Variants in ERVFRD-1 observed in about 807,000 individuals in gnomAD.
ERVFRD-1 encodes the protein syncytin-2.
ERVFRD-1 carries 33 observed loss-of-function variants against 43.8 expected under a neutral mutation model. The ratio of observed to expected loss-of-function variants is 0.75; its 90% CI spans 0.57 to 1.01. The LOEUF (loss-of-function observed/expected upper bound fraction) is 1.01. ERVFRD-1 is among the 50% of genes least tolerant of loss of function. The probability of loss-of-function intolerance (pLI) is 0.00; values close to 1 mark genes in which losing one functional copy is unlikely to be tolerated. For missense variants in ERVFRD-1, 568 were observed against 658.4 expected (o/e 0.86, Z 1.50); for synonymous variants, 239 against 244.4 (o/e 0.98, Z 0.21).
chr6:11,109,822 CAGAG>C (rs1483634962), intron 1 of ERVFRD-1, among the ~76,000 whole-genome samples: 3 of 152,058 alleles, frequency 2.0e-5, no homozygotes, highest in African/African-American at 7.2e-5. Context: ...TCCTGTGGTA[CAGAG>C]ACTTGATTAC....
In ERVFRD-1 at chr6:11,104,075, T is replaced by C. The variant is rs1758043264; in HGVS notation, c.1236A>G (p.Val412=). The C allele has an allele frequency of 1.3e-6, 2 of 1,551,642 alleles. No homozygotes were observed. Among genetic ancestry groups the C allele is most frequent in the Non-Finnish European group, 8.7e-7 (1 of 1,147,014 alleles). ...MQEQIDSLAA[V]VLQNRRGLDM... is the part of the protein sequence containing the mutation. ...CTAGTCCTCGACGATTTTGAAGGAC[T>C]ACGGCTGCTAAAGAGTCGATTTGTT... The change falls in exon 2 of 2, where the codon GTA becomes GTG. Residue 412 remains valine (V), a synonymous_variant. Transcript: ENST00000472091.
chr6:11,111,252 G>A (rs576960356), intron 1 of ERVFRD-1, among the ~76,000 whole-genome samples: 1 of 152,334 alleles, frequency 6.6e-6, no homozygotes, highest in African/African-American at 2.4e-5. Flanking sequence ...ACAGAGAAAA[G>A]ACAGACTTAC....
In ERVFRD-1 at chr6:11,105,639, G is replaced by A. The variant is rs2113645093; in HGVS notation, c.-320-9C>T. On this transcript the variant is annotated splice_polypyrimidine_tract_variant and intron_variant, in intron 1 of 1. Coordinates refer to ENST00000472091, the MANE Select transcript of ERVFRD-1 (RefSeq NM_207582.3). ...CTCCAGTACTGTAATGGCTGTAGGG[G>A]TAGATAATAGAATGGTGAAGGGGCC... The A allele has an allele frequency of 8.4e-6, 2 of 237,422 alleles. No individual in the cohort carries two copies. The allele number at this position is 237,422 out of a possible 1,614,324, so 14.7% of individuals were successfully genotyped here. A position where few individuals can be genotyped will look rare whatever the true frequency, so the allele number is the denominator to read the frequency against.
chr6:11,104,512 G>C lies in ERVFRD-1; in HGVS notation c.799C>G (p.Leu267Val), dbSNP rs749572811. ...LAGMTIATSY[L>V]GISAVSEFFG... is the part of the protein sequence containing the mutation. ...AATTCTGAGACTGCTGATATGCCCA[G>C]GTAGCTGGTGGCTATAGTCATGCCT... The change falls in exon 2 of 2, where the codon CTG becomes GTG. Residue 267 changes from leucine (L) to valine (V), a missense_variant. By Grantham distance (32) the Leu-to-Val change is conservative. Transcript: ENST00000472091. The C allele has an allele frequency of 2.0e-5, 32 of 1,562,622 alleles. 1 individual carries two copies. In the South Asian group the frequency reaches 3.6e-4, roughly 18 times the overall value.
Position 11,105,494 on chromosome 6 carries a change from G to A in ERVFRD-1, c.-184C>T. The A allele has an allele frequency of 1.7e-6, 1 of 584,360 alleles. No homozygotes were observed. The highest frequency in any genetic ancestry group is 3.1e-6 in the Non-Finnish European group (1 of 322,570). The allele number at this position is 584,360 out of a possible 1,614,324, so 36.2% of individuals were successfully genotyped here. A position where few individuals can be genotyped will look rare whatever the true frequency, so the allele number is the denominator to read the frequency against. On this transcript the variant is annotated 5_prime_UTR_variant, in exon 2 of 2. Transcript: ENST00000472091. ...ATTACTTATCTTTTTGTTTAAAGAG[G>A]AATTTTAGATCTTCCAGTGCCTTGC...
At position 11,103,793 on chromosome 6, in the gene ERVFRD-1, T is replaced by G; in HGVS notation, c.1518A>C (p.Leu506=). 6.4e-7 allele frequency: 1 copy of G among 1,551,600 alleles called. No individual in the cohort carries two copies. The highest frequency in any genetic ancestry group is 8.7e-7 in the Non-Finnish European group (1 of 1,146,972). The part of the protein sequence containing the change: ...LLLFGPCLLN[L]ITQFVSSRLQ... ...GGCGAGAGGAGACAAATTGGGTTAT[T>G]AGATTTAGGAGACATGGACCAAAAA... The change falls in exon 2 of 2, where the codon CTA becomes CTC. Residue 506 remains leucine (L), a synonymous_variant. Coordinates refer to ENST00000472091, the MANE Select transcript of ERVFRD-1 (RefSeq NM_207582.3).
In ERVFRD-1 at chr6:11,104,746, A is replaced by C. The variant is rs1758057720; in HGVS notation, c.565T>G (p.Ser189Ala). The C allele has an allele frequency of 6.2e-7, 1 of 1,614,202 alleles. No individual in the cohort carries two copies. The highest frequency in any genetic ancestry group is 8.5e-7 in the Non-Finnish European group (1 of 1,180,038). Residue 189 changes from serine (S) to alanine (A), a missense_variant, in exon 2 of 2, where the codon TCC (serine) becomes GCC (alanine). Coordinates refer to ENST00000472091, the MANE Select transcript of ERVFRD-1 (RefSeq NM_207582.3). ...TFPQGTLLDK[S>A]SRFCQGRPSS... Reference sequence around the variant, plus strand: ...GGGCGTCCCTGGCAAAACCGGCTGGATTTATCTAGCAAAGTTCCCTGAGGA... The same window carrying C: ...GGGCGTCCCTGGCAAAACCGGCTGGCTTTATCTAGCAAAGTTCCCTGAGGA...
At chr6:11,110,637 G>C (rs912196061) in intron 1 of ERVFRD-1, among the ~76,000 whole-genome samples, 2 of 152,178 alleles carry the variant, frequency 1.3e-5, no homozygotes, top group Non-Finnish European at 2.9e-5. Context: ...CAGAACAAAT[G>C]CTTAACGAGG....
At chr6:11,106,376 G>A (rs2113645722) in intron 1 of ERVFRD-1, among the ~76,000 whole-genome samples, 1 of 152,358 alleles carries the variant, frequency 6.6e-6, no homozygotes, top group African/African-American at 2.4e-5. Flanking sequence ...GATGGAGAGG[G>A]CTTCCCCGTC....
rs1182892806 is a variant in ERVFRD-1 at position 11,104,073 on chromosome 6, A to G, written c.1238T>C (p.Val413Ala). 1.3e-6 allele frequency: 2 copies of G among 1,551,736 alleles called. No homozygotes were observed. Among genetic ancestry groups the G allele is most frequent in the East Asian group, 2.4e-5 (1 of 40,918 alleles). The change falls in exon 2 of 2, where the codon GTC (valine) becomes GCC (alanine). Residue 413 changes from valine to alanine, a missense_variant. By Grantham distance (64) the Val-to-Ala change is moderately conservative. Transcript: ENST00000472091. Reference protein sequence around the residue: ...QEQIDSLAAVVLQNRRGLDML... With the variant: ...QEQIDSLAAVALQNRRGLDML... ...GTCTAGTCCTCGACGATTTTGAAGG[A>G]CTACGGCTGCTAAAGAGTCGATTTG...
In ERVFRD-1 at chr6:11,103,744, T is replaced by G; in HGVS notation, c.1567A>C (p.Asn523His). ...CGAGGATGGCGTCCTGCACTGAGATTCGTCTGGAGCTTTATGGCCTGAAGG... is the reference window on the plus strand; with the variant it reads ...CGAGGATGGCGTCCTGCACTGAGATGCGTCTGGAGCTTTATGGCCTGAAGG... ...SRLQAIKLQT[N>H]LSAGRHPRNI... is the part of the protein sequence containing the mutation. The change falls in exon 2 of 2, where the codon AAT becomes CAT. Residue 523 changes from asparagine (N) to histidine (H), a missense_variant. Coordinates refer to ENST00000472091, the MANE Select transcript of ERVFRD-1 (RefSeq NM_207582.3). The G allele has an allele frequency of 5.2e-6, 8 of 1,551,674 alleles. No homozygotes were observed. The highest frequency in any genetic ancestry group is 7.0e-6 in the Non-Finnish European group (8 of 1,146,974).
intron 1 of ERVFRD-1, among the ~76,000 whole-genome samples, chr6:11,107,055 A>G (rs1210195366): frequency 6.6e-6 from 1 of 152,188 alleles, no homozygotes; most frequent in Admixed American, 6.5e-5. Context: ...AATTTGTTGA[A>G]GGGACATTGT....
At chr6:11,107,701 T>C (rs961592597) in intron 1 of ERVFRD-1, among the ~76,000 whole-genome samples, 14 of 152,304 alleles carry the variant, frequency 9.2e-5, no homozygotes, top group Admixed American at 2.6e-4. Context: ...TGGGGATCAT[T>C]GGGTGTATTG....
At chr6:11,106,696 G>T (rs1758088718) in intron 1 of ERVFRD-1, among the ~76,000 whole-genome samples, 1 of 152,176 alleles carries the variant, frequency 6.6e-6, no homozygotes, top group African/African-American at 2.4e-5. Flanking sequence ...CCCCATGAAG[G>T]TATCTTTTGA....
intron 1 of ERVFRD-1, among the ~76,000 whole-genome samples, chr6:11,107,293 A>G (rs1758100935): frequency 6.6e-6 from 1 of 152,244 alleles, no homozygotes; most frequent in Non-Finnish European, 1.5e-5. Flanking sequence ...GTTTTCTAAC[A>G]ACAAGACTTG....
Position 11,103,608 on chromosome 6 carries a change from A to G in ERVFRD-1, c.*86T>C, listed in dbSNP as rs1157580616. On this transcript the variant is annotated 3_prime_UTR_variant, in exon 2 of 2. Coordinates refer to ENST00000472091, the MANE Select transcript of ERVFRD-1 (RefSeq NM_207582.3). ...GGCAGGATGGCTCTGTGGATTGGCA[A>G]AAACCATATCCAGCCAGGTCCACGG... 2 of 1,459,634 alleles carry G rather than the reference A, an allele frequency of 1.4e-6. No individual in the cohort carries two copies. The highest frequency in any genetic ancestry group is 1.5e-5 in the South Asian group (1 of 68,510). The allele number at this position is 1,459,634 out of a possible 1,614,324, so 90.4% of individuals were successfully genotyped here.
intron 1 of ERVFRD-1, among the ~76,000 whole-genome samples, chr6:11,107,043 G>A (rs6913027): frequency 0.21 from 32,709 of 152,160 alleles, 3,843 homozygotes; most frequent in African/African-American, 0.31. Flanking sequence ...TTTAACCTCT[G>A]TAATTTGTTG....
rs2113641300 is a variant in ERVFRD-1 at position 11,102,975 on chromosome 6, C to T, written c.*719G>A. The stretch of plus-strand genomic sequence containing the variant: ...TCCAATTGCCTTGGTAGGCCCTTGA[C>T]TTGGGGTTTTATACATTGGCATTGT... On this transcript the variant is annotated 3_prime_UTR_variant, in exon 2 of 2. Transcript: ENST00000472091. 1 of 152,314 alleles carries T rather than the reference C, an allele frequency of 6.6e-6. No individual in the cohort carries two copies. Among genetic ancestry groups the T allele is most frequent in the African/African-American group, 2.4e-5 (1 of 41,570 alleles). 9.4% of individuals were successfully genotyped at this position (152,314 alleles called of 1,614,324 possible). A position where few individuals can be genotyped will look rare whatever the true frequency, so the allele number is the denominator to read the frequency against.
chr6:11,104,894 A>C lies in ERVFRD-1; in HGVS notation c.417T>G (p.Thr139=), dbSNP rs1462294663. ...AKRKNGTNVG[T]LPSTVCNVTF... Reference sequence around the variant, plus strand: ...TAACATTACAGACTGTACTTGGAAGAGTGCCTACATTTGTTCCATTTTTCC... The same window carrying C: ...TAACATTACAGACTGTACTTGGAAGCGTGCCTACATTTGTTCCATTTTTCC... The change falls in exon 2 of 2, where the codon ACT becomes ACG. Residue 139 remains threonine, a synonymous_variant. Transcript: ENST00000472091. 8 of 1,614,102 alleles carry C rather than the reference A, an allele frequency of 5.0e-6. No individual in the cohort carries two copies. Among genetic ancestry groups the C allele is most frequent in the Non-Finnish European group, 6.8e-6 (8 of 1,180,058 alleles).
Sources: gnomAD v4.1 joint callset for allele counts (sites outside exome capture counted in the v4.1 genomes callset) on GRCh38, gnomAD v4.1.1 for gene constraint, MANE v1.5 for transcripts, NCBI Gene and HGNC (gene_info 2026-07-23, HGNC 2026-07-21) for gene names.